Variants in PCDHGA2 observed in about 807,000 individuals in gnomAD.
The protein encoded by PCDHGA2 is protocadherin gamma subfamily A, 2.
Under a neutral mutation model 59.2 loss-of-function variants are expected in PCDHGA2, and 40 were observed. That is an observed-to-expected ratio of 0.68 (90% CI 0.52 to 0.88). The LOEUF (loss-of-function observed/expected upper bound fraction) is 0.88. PCDHGA2 is among the 40% of genes least tolerant of loss of function. PCDHGA2 has a pLI of 0.00. For synonymous variants in PCDHGA2, 560 were observed against 526.0 expected, an observed-to-expected ratio of 1.06 and a Z score of -0.89; for missense variants, 1,226 against 1,204.0, an observed-to-expected ratio of 1.02 and a Z score of -0.27.
At chr5:141,502,697 T>C (rs893610041) in intron 2 of PCDHGA2, among the ~76,000 whole-genome samples, 13 of 152,208 alleles carry the variant, frequency 8.5e-5, no homozygotes, top group African/African-American at 3.1e-4. Context: ...CTTGCCTGTA[T>C]CTGTTTTTAC....
chr5:141,442,472 C>T (rs1032989256), intron 1 of PCDHGA2: 1 of 152,204 alleles, frequency 6.6e-6, no homozygotes, highest in Non-Finnish European at 1.5e-5. Context: ...GCAGAAAGCC[C>T]CTTGGGGAAG....
intron 1 of PCDHGA2, chr5:141,365,990 G>T: frequency 6.2e-7 from 1 of 1,614,216 alleles, no homozygotes; most frequent in Non-Finnish European, 8.5e-7. Flanking sequence ...GTTTGTGCTG[G>T]ACCAGAACGA....
chr5:141,421,817 T>A (rs375019903), intron 1 of PCDHGA2: 34 of 1,613,662 alleles, frequency 2.1e-5, no homozygotes, highest in Non-Finnish European at 2.8e-5. Context: ...GAGCTAGTAC[T>A]GGAGGGAAGC....
chr5:141,428,797 G>A (rs2097161930), intron 1 of PCDHGA2: 1 of 152,310 alleles, frequency 6.6e-6, no homozygotes, highest in Admixed American at 6.5e-5. Context: ...TTCTGTGTGG[G>A]CCAGTAACTT....
At position 141,355,240 on chromosome 5, in the gene PCDHGA2, C is replaced by T. The variant is rs199669967; in HGVS notation, c.2424+13845C>T. 284 of 1,612,752 alleles carry T rather than the reference C, an allele frequency of 1.8e-4. 1 individual carries two copies. The highest frequency in any genetic ancestry group is 7.2e-4 in the Admixed American group (43 of 59,992). ...TGCTCGCCCAGACCACACCCGGCTG[C>T]TCCAGATCTGCCTTCTCCTGGGGGT... On this transcript the variant is annotated intron_variant, in intron 1 of 3. Transcript: ENST00000394576.
intron 2 of PCDHGA2, among the ~76,000 whole-genome samples, chr5:141,501,331 ACACC>A (rs747366952): frequency 1.4e-5 from 2 of 138,844 alleles, no homozygotes; most frequent in Non-Finnish European, 3.2e-5. Context: ...ACACACACAC[ACACC>A]CCAAACTCAA....
At chr5:141,350,345 CA>C in intron 1 of PCDHGA2, 1 of 1,556,754 alleles carries the variant, frequency 6.4e-7, no homozygotes, top group African/African-American at 1.4e-5. Flanking sequence ...GGCCATCTCC[CA>C]GCAGATCCGA....
chr5:141,359,240 G>A (rs1217262882), intron 1 of PCDHGA2, among the ~76,000 whole-genome samples: 1 of 152,062 alleles, frequency 6.6e-6, no homozygotes, highest in African/African-American at 2.4e-5. Flanking sequence ...ATTGTTTAAA[G>A]TAATTAAGCC....
intron 1 of PCDHGA2, chr5:141,357,816 T>C: frequency 1.4e-6 from 1 of 715,180 alleles, no homozygotes; most frequent in Non-Finnish European, 2.2e-6. Context: ...TTATTACTTA[T>C]CCTTTTTGGT....
intron 1 of PCDHGA2, chr5:141,418,934 G>T (rs1163951447): frequency 6.2e-7 from 1 of 1,614,056 alleles, no homozygotes; most frequent in African/African-American, 1.3e-5. Context: ...GATTATGGAG[G>T]ATTCCCCTCC....
intron 1 of PCDHGA2, among the ~76,000 whole-genome samples, chr5:141,461,267 T>C (rs2099012147): frequency 6.6e-6 from 1 of 152,140 alleles, no homozygotes; most frequent in Admixed American, 6.6e-5. Flanking sequence ...AATGTGTAAG[T>C]GTTCTCTTTT....
At chr5:141,351,146 G>A in intron 1 of PCDHGA2, 5 of 1,613,958 alleles carry the variant, frequency 3.1e-6, no homozygotes, top group Middle Eastern at 1.6e-4. Flanking sequence ...AAATACTGGC[G>A]ACATCACAAC....
chr5:141,400,245 C>T (rs778709619), intron 1 of PCDHGA2: 66 of 1,613,878 alleles, frequency 4.1e-5, no homozygotes, highest in African/African-American at 4.0e-5. Context: ...TGATTCTGGC[C>T]GTTGCCTTGC....
chr5:141,502,238 T>C (rs2099813398), intron 2 of PCDHGA2, among the ~76,000 whole-genome samples: 1 of 152,204 alleles, frequency 6.6e-6, no homozygotes, highest in Admixed American at 6.5e-5. Flanking sequence ...TGTGTTCTTT[T>C]ATCCTTTTTT....
At chr5:141,409,184 T>C in intron 1 of PCDHGA2, 1 of 1,614,044 alleles carries the variant, frequency 6.2e-7, no homozygotes, top group Non-Finnish European at 8.5e-7. Context: ...AGGTGGTCTC[T>C]CTACCCAGTG....
At chr5:141,398,893 C>G in intron 1 of PCDHGA2, 1 of 1,613,962 alleles carries the variant, frequency 6.2e-7, no homozygotes, top group Admixed American at 1.7e-5. Flanking sequence ...GGAAAACGTG[C>G]CACCAGGCAC....
Position 141,491,094 on chromosome 5 carries a change from G to C in PCDHGA2, c.2425-3713G>C, listed in dbSNP as rs1240705650. The C allele has an allele frequency of 1.9e-6, 3 of 1,614,202 alleles. No homozygotes were observed. Among genetic ancestry groups the C allele is most frequent in the Non-Finnish European group, 2.5e-6 (3 of 1,180,030 alleles). On this transcript the variant is annotated intron_variant, in intron 1 of 3. Coordinates refer to ENST00000394576, the MANE Select transcript of PCDHGA2 (RefSeq NM_018915.4). The surrounding 1 kb of genome is among the most constrained non-coding windows in gnomAD (Gnocchi z 6.9). The stretch of plus-strand genomic sequence containing the variant: ...TGCCACAGTCCACAGCCCCAGGACT[G>C]TTCCTCGTGTCTACACACACTGGTG...
At position 141,490,132 on chromosome 5, in the gene PCDHGA2, A is replaced by C. The variant is rs1245562757; in HGVS notation, c.2425-4675A>C. On this transcript the variant is annotated intron_variant, in intron 1 of 3. Coordinates refer to ENST00000394576, the MANE Select transcript of PCDHGA2 (RefSeq NM_018915.4). This position sits in a 1 kb window ranked among gnomAD's most constrained non-coding sequence, Gnocchi z 5.4. ...GCGGAACCTCTTTGGCCTAGACCCT[A>C]GCAGTGGGGCAATCCATGTGTTGGG... 6.2e-7 allele frequency: 1 copy of C among 1,614,220 alleles called. No individual in the cohort carries two copies. Among genetic ancestry groups the C allele is most frequent in the South Asian group, 1.1e-5 (1 of 91,088 alleles).
rs866710706 is a variant in PCDHGA2, at chr5:141,485,167, G to A, written c.2425-9640G>A. On this transcript the variant is annotated intron_variant, in intron 1 of 3. Transcript: ENST00000394576. The surrounding 1 kb of genome is among the most constrained non-coding windows in gnomAD (Gnocchi z 5.7). ...AGGAGCAAGTAGAGAATTAGCGGGC[G>A]GCAGCAATGCTCCGCAAGGTGAGAA... The A allele has an allele frequency of 6.2e-7, 1 of 1,608,386 alleles. No homozygotes were observed.
Sources: gnomAD v4.1 joint callset for allele counts (sites outside exome capture counted in the v4.1 genomes callset) on GRCh38, gnomAD v4.1.1 for gene constraint, Gnocchi (gnomAD v3.1) non-coding constraint, MANE v1.5 for transcripts, NCBI Gene and HGNC (gene_info 2026-07-23, HGNC 2026-07-21) for gene names.